The following UBE2Q2 variants were observed in gnomAD, a reference collection of about 807,000 sequenced individuals.
UBE2Q2 encodes ubiquitin conjugating enzyme E2 Q2.
In UBE2Q2, 54 loss-of-function variants were observed where a neutral mutation model predicts 59.9. The ratio of observed to expected loss-of-function variants is 0.90; its 90% CI spans 0.72 to 1.13. UBE2Q2 has a LOEUF of 1.13. UBE2Q2 is among the 50% of genes most tolerant of loss of function. The pLI, the probability that UBE2Q2 is intolerant of heterozygous loss-of-function variation, is 0.00. For missense variants in UBE2Q2, 433 were observed against 441.9 expected, an observed-to-expected ratio of 0.98 and a Z score of 0.18; for synonymous variants, 165 against 155.2, an observed-to-expected ratio of 1.06 and a Z score of -0.47.
chr15:75,900,347 T>C lies in UBE2Q2; in HGVS notation c.*889T>C, dbSNP rs1007626343. The C allele has an allele frequency of 6.6e-6, 1 of 152,564 alleles. No homozygotes were observed. The highest frequency in any genetic ancestry group is 6.5e-5 in the Admixed American group (1 of 15,270). The allele number at this position is 152,564 out of a possible 1,614,324, so 9.5% of individuals were successfully genotyped here. A position where few individuals can be genotyped will look rare whatever the true frequency, so the allele number is the denominator to read the frequency against. ...CAGTTAAGTACAAAAAGATACTTAATTTGGAGACTCTTACAGTAATTTTTG... is the reference window on the plus strand; with the variant it reads ...CAGTTAAGTACAAAAAGATACTTAACTTGGAGACTCTTACAGTAATTTTTG... On this transcript the variant is annotated 3_prime_UTR_variant, in exon 13 of 13. Transcript: ENST00000267938.
chr15:75,899,487 A>T lies in UBE2Q2; in HGVS notation c.*29A>T, dbSNP rs1899638553. 6.3e-7 allele frequency: 1 copy of T among 1,583,686 alleles called. No individual in the cohort carries two copies. The highest frequency in any genetic ancestry group is 2.3e-5 in the East Asian group (1 of 43,048). ...TGTTGACTGTTGTATGTTTGGACTA[A>T]TGTTGCTTTAAAGAAAATCTTTCTA... On this transcript the variant is annotated 3_prime_UTR_variant, in exon 13 of 13. Coordinates refer to ENST00000267938, the MANE Select transcript of UBE2Q2 (RefSeq NM_173469.4).
At chr15:75,847,639 C>G (rs1467074285) in intron 1 of UBE2Q2, among the ~76,000 whole-genome samples, 1 of 152,028 alleles carries the variant, frequency 6.6e-6, no homozygotes, top group Non-Finnish European at 1.5e-5. Flanking sequence ...ACAATCACAC[C>G]GAAATGCAAA....
chr15:75,846,712 CT>C (rs1268033427), intron 1 of UBE2Q2, among the ~76,000 whole-genome samples: 1 of 152,170 alleles, frequency 6.6e-6, no homozygotes, highest in African/African-American at 2.4e-5. Flanking sequence ...TATTCTTTAA[CT>C]TTTCCTCTTT....
intron 11 of UBE2Q2, among the ~76,000 whole-genome samples, 178 bp downstream of exon 11, chr15:75,891,192 C>T (rs1016851145): frequency 6.6e-6 from 1 of 152,028 alleles, no homozygotes; most frequent in African/African-American, 2.4e-5. Flanking sequence ...ATTAAAGATA[C>T]TAATTGATAA....
At chr15:75,857,827 A>G (rs1896996884) in intron 2 of UBE2Q2, among the ~76,000 whole-genome samples, 1 of 152,104 alleles carries the variant, frequency 6.6e-6, no homozygotes, top group Non-Finnish European at 1.5e-5. Context: ...ATTAAATGAA[A>G]AAGCAAGGCA....
chr15:75,854,281 T>A (rs562077406), intron 1 of UBE2Q2, 105 bp from the exon 2 acceptor site: 1 of 772,648 alleles, frequency 1.3e-6, no homozygotes, highest in South Asian at 2.1e-5. Flanking sequence ...CCCCCATACA[T>A]TTTGTTTAAA....
chr15:75,844,945 T>G (rs888925794), intron 1 of UBE2Q2, among the ~76,000 whole-genome samples: 25 of 151,694 alleles, frequency 1.6e-4, no homozygotes, highest in Admixed American at 1.6e-3. Flanking sequence ...CCAGACTATC[T>G]GGGCAGAAGG....
At chr15:75,869,171 C>G (rs1457226503) in intron 4 of UBE2Q2, among the ~76,000 whole-genome samples, 161 bp downstream of exon 4, 1 of 152,198 alleles carries the variant, frequency 6.6e-6, no homozygotes, top group Non-Finnish European at 1.5e-5. Context: ...TTACCTCTAA[C>G]TAATGATATG....
chr15:75,844,250 G>C lies in UBE2Q2; in HGVS notation c.180+404G>C, dbSNP rs1181175088. On this transcript the variant is annotated intron_variant, in intron 1 of 12. Transcript: ENST00000267938. ...GTTGTTTGAGCCCAGGCCGGCAAGG[G>C]GAACGGCCCTTAAGTTTTAACGCCT... 2.7e-6 allele frequency: 4 copies of C among 1,503,064 alleles called. No individual in the cohort carries two copies. In the East Asian group the frequency reaches 7.5e-5, roughly 28 times the overall value. The allele number at this position is 1,503,064 out of a possible 1,614,324, so 93.1% of individuals were successfully genotyped here.
chr15:75,899,443 A>G lies in UBE2Q2; in HGVS notation c.1113A>G (p.Pro371=), dbSNP rs760135199. 22 of 1,594,614 alleles carry G rather than the reference A, an allele frequency of 1.4e-5. No individual in the cohort carries two copies. Among genetic ancestry groups the G allele is most frequent in the Non-Finnish European group, 1.8e-5 (21 of 1,171,298 alleles). The change falls in exon 13 of 13, where the codon CCA becomes CCG. Residue 371 remains proline, a synonymous_variant. Transcript: ENST00000267938. The part of the protein sequence containing the change: ...IHEKNGWYTP[P]KEDG ...CTATTTCAGGCTGGTACACCCCTCC[A>G]AAGGAAGATGGCTAAATGTGTTGAC...
chr15:75,845,332 A>G (rs1896288425), intron 1 of UBE2Q2, among the ~76,000 whole-genome samples: 3 of 152,218 alleles, frequency 2.0e-5, no homozygotes, highest in Admixed American at 2.0e-4. Flanking sequence ...TTTCCTTAGA[A>G]GTAGAAAATT....
chr15:75,844,373 C>G, intron 1 of UBE2Q2: 9 of 1,551,096 alleles, frequency 5.8e-6, no homozygotes, highest in Non-Finnish European at 7.8e-6. Context: ...GACTCGTTGA[C>G]GGAGGAAAAG....
intron 2 of UBE2Q2, 131 bp downstream of exon 2, chr15:75,854,618 G>GTTT: frequency 1.8e-6 from 1 of 557,560 alleles, no homozygotes; most frequent in Non-Finnish European, 2.9e-6. Context: ...AGACTAGTTT[G>GTTT]TTTGTTTTTT....
chr15:75,870,873 T>A (rs1396293150), intron 4 of UBE2Q2, among the ~76,000 whole-genome samples: 2 of 152,174 alleles, frequency 1.3e-5, no homozygotes, highest in Non-Finnish European at 2.9e-5. Flanking sequence ...GGGTTGCCCC[T>A]CCACACCTGT....
rs1896186109 is a variant in UBE2Q2 at position 75,844,152 on chromosome 15, G to C, written c.180+306G>C. ...TCCGCGGCGGCCCAAGCCCTTGTGG[G>C]GTCCATGGCCGCCCTCAGCCGGCCT... On this transcript the variant is annotated intron_variant, in intron 1 of 12. Transcript: ENST00000267938. The C allele has an allele frequency of 4.9e-6, 7 of 1,427,632 alleles. No individual in the cohort carries two copies. The East Asian group carries it at 1.3e-4, about 26-fold the overall frequency. 88.4% of individuals were successfully genotyped at this position (1,427,632 alleles called of 1,614,324 possible).
At chr15:75,869,306 T>A (rs1183154613) in intron 4 of UBE2Q2, among the ~76,000 whole-genome samples, 1 of 152,250 alleles carries the variant, frequency 6.6e-6, no homozygotes, top group Non-Finnish European at 1.5e-5. Flanking sequence ...ATTTGGTTAT[T>A]TTTAGGAAGA....
intron 8 of UBE2Q2, among the ~76,000 whole-genome samples, chr15:75,880,063 T>A (rs568547832): frequency 4.5e-4 from 68 of 152,300 alleles, no homozygotes; most frequent in African/African-American, 1.6e-3. Context: ...TCTCTATATT[T>A]TATGTACTTT....
At chr15:75,861,624 C>A (rs1897213413) in intron 3 of UBE2Q2, among the ~76,000 whole-genome samples, 1 of 152,098 alleles carries the variant, frequency 6.6e-6, no homozygotes, top group Admixed American at 6.6e-5. Context: ...AGTCTTGTAT[C>A]TCATATTATT....
chr15:75,880,746 C>T (rs1260640734), intron 8 of UBE2Q2, among the ~76,000 whole-genome samples: 1 of 151,802 alleles, frequency 6.6e-6, no homozygotes, highest in African/African-American at 2.4e-5. Flanking sequence ...TGGTACACTT[C>T]CCTTGGCCTT....
Sources: allele counts gnomAD v4.1 joint callset (sites outside exome capture counted in the v4.1 genomes callset), GRCh38; gene constraint gnomAD v4.1.1; transcripts MANE v1.5; gene names NCBI Gene and HGNC (gene_info 2026-07-23, HGNC 2026-07-21).